The following MAGI2 variants were observed in gnomAD, a reference collection of about 807,000 sequenced individuals.
MAGI2 encodes membrane associated guanylate kinase, WW and PDZ domain containing 2, also known as membrane-associated guanylate kinase, WW and PDZ domain-containing protein 2.
In MAGI2, 35 loss-of-function variants were observed where a neutral mutation model predicts 133.3. That is an observed-to-expected ratio of 0.26 (90% CI 0.20 to 0.35). The LOEUF is 0.35. MAGI2 is among the 10% of genes least tolerant of loss of function. The pLI is 1.00. For missense variants in MAGI2, 1,636 were observed against 1,863.4 expected, an observed-to-expected ratio of 0.88 and a Z score of 2.25; for synonymous variants, 729 against 710.6, an observed-to-expected ratio of 1.03 and a Z score of -0.41.
At chr7:78,528,326 T>C (rs1213030253) in intron 3 of MAGI2, among the ~76,000 whole-genome samples, 1 of 152,186 alleles carries the variant, frequency 6.6e-6, no homozygotes, top group Non-Finnish European at 1.5e-5. Flanking sequence ...TGCCAGATTG[T>C]AAGTAAACAA....
intron 2 of MAGI2, among the ~76,000 whole-genome samples, chr7:78,876,340 A>AAAAAAG (rs1795421389): frequency 6.6e-6 from 1 of 151,388 alleles, no homozygotes; most frequent in Non-Finnish European, 1.5e-5. Flanking sequence ...AAAAAAAAAA[A>AAAAAAG]AATTGGAACA....
At chr7:78,242,776 G>T (rs1328178511) in intron 10 of MAGI2, among the ~76,000 whole-genome samples, 1 of 151,960 alleles carries the variant, frequency 6.6e-6, no homozygotes, top group Admixed American at 6.6e-5. Flanking sequence ...TTTTTAAATT[G>T]TAAGTGATTC....
At chr7:78,243,267 A>T (rs1034045363) in intron 10 of MAGI2, among the ~76,000 whole-genome samples, 13 of 68,292 alleles carry the variant, frequency 1.9e-4, no homozygotes, top group East Asian at 6.6e-4. Flanking sequence ...ACACACACAC[A>T]CACTCTCTCT....
At chr7:79,358,880 A>C (rs923925178) in intron 1 of MAGI2, among the ~76,000 whole-genome samples, 2 of 152,186 alleles carry the variant, frequency 1.3e-5, no homozygotes, top group African/African-American at 2.4e-5. Flanking sequence ...GGCAAGACCT[A>C]AGCAGGCTGA....
At position 79,181,550 on chromosome 7, in the gene MAGI2, A is replaced by G. The variant is rs370300349; in HGVS notation, c.302-174344T>C. Among the ~76,000 whole-genome samples the G allele has an allele frequency of 1.3e-4, 19 of 151,044 alleles. 1 individual carries two copies. The highest frequency in any genetic ancestry group is 4.6e-4 in the African/African-American group (19 of 40,976). ...CCACAAAACTATTTTTTCCCCCTAA[A>G]CCTCCGGGCCTGTGATGGGAGGGGC... On this transcript the variant is annotated intron_variant, in intron 1 of 21. Coordinates refer to ENST00000354212, the MANE Select transcript of MAGI2 (RefSeq NM_012301.4).
intron 10 of MAGI2, among the ~76,000 whole-genome samples, chr7:78,245,011 T>C (rs1236904379): frequency 1.3e-5 from 2 of 152,216 alleles, no homozygotes; most frequent in Non-Finnish European, 2.9e-5. Flanking sequence ...GAAATTTCCA[T>C]AATCCTCACT....
chr7:78,653,775 TA>T (rs3085457), intron 2 of MAGI2, among the ~76,000 whole-genome samples: 87,777 of 142,690 alleles, frequency 0.62, 27,410 homozygotes, highest in African/African-American at 0.75. Flanking sequence ...TGAAGTATGA[TA>T]AAAAAAAAAA....
At chr7:78,717,598 ATAG>A (rs1039178246) in intron 2 of MAGI2, among the ~76,000 whole-genome samples, 2 of 152,182 alleles carry the variant, frequency 1.3e-5, no homozygotes, top group African/African-American at 4.8e-5. Context: ...TAAAATACAG[ATAG>A]TAGTATCTAC....
chr7:78,652,548 G>T lies in MAGI2; in HGVS notation c.419-25309C>A, dbSNP rs148257681. On this transcript the variant is annotated intron_variant, in intron 2 of 21. Coordinates refer to ENST00000354212, the MANE Select transcript of MAGI2 (RefSeq NM_012301.4). ...AAGGGTTTCCTATTTAATAAATGGT[G>T]TAGGGAAAACTAGCTAGCCATATGC... 2.0e-3 allele frequency among the ~76,000 whole-genome samples: 311 copies of T among 152,262 alleles called. 1 individual carries two copies. The highest frequency in any genetic ancestry group is 6.9e-3 in the African/African-American group (288 of 41,560).
chr7:78,719,801 A>C (rs1820088563), intron 2 of MAGI2, among the ~76,000 whole-genome samples: 1 of 152,166 alleles, frequency 6.6e-6, no homozygotes. Context: ...CTGTGGACAG[A>C]ATTTAATTTG....
intron 1 of MAGI2, among the ~76,000 whole-genome samples, chr7:79,310,840 G>A (rs972016613): frequency 1.1e-4 from 16 of 152,014 alleles, no homozygotes; most frequent in Admixed American, 1.0e-3. Flanking sequence ...GAAGATTCCA[G>A]AAATTCTTGC....
intron 2 of MAGI2, among the ~76,000 whole-genome samples, chr7:78,932,273 T>A (rs1800191025): frequency 6.6e-6 from 1 of 152,016 alleles, no homozygotes; most frequent in Non-Finnish European, 1.5e-5. Flanking sequence ...TTGTTGATAA[T>A]GTCAAAAAGG....
intron 3 of MAGI2, among the ~76,000 whole-genome samples, chr7:78,602,900 T>A (rs1236051228): frequency 6.6e-6 from 1 of 152,248 alleles, no homozygotes; most frequent in Admixed American, 6.5e-5. Context: ...TATTCATTCT[T>A]TGATTTCAGC....
chr7:78,206,359 T>C (rs577094685), intron 10 of MAGI2, among the ~76,000 whole-genome samples: 82 of 151,122 alleles, frequency 5.4e-4, no homozygotes, highest in African/African-American at 2.0e-3. Context: ...TGGCGTGATC[T>C]TGGCTCACTG....
chr7:78,262,603 T>C (rs1193135018), intron 9 of MAGI2, among the ~76,000 whole-genome samples: 1 of 152,174 alleles, frequency 6.6e-6, no homozygotes, highest in African/African-American at 2.4e-5. Context: ...TTAGGCCAGG[T>C]ATGCCAATAA....
intron 1 of MAGI2, among the ~76,000 whole-genome samples, chr7:79,396,897 C>T (rs1845098863): frequency 6.6e-6 from 1 of 151,784 alleles, no homozygotes; most frequent in South Asian, 2.1e-4. Flanking sequence ...TAAGTGAACA[C>T]CTTGACGGTT....
intron 1 of MAGI2, among the ~76,000 whole-genome samples, chr7:79,311,942 T>G (rs929560816): frequency 4.6e-5 from 7 of 152,158 alleles, no homozygotes; most frequent in Non-Finnish European, 7.4e-5. Context: ...TTTTTAAAAT[T>G]TGTATATCCA....
In MAGI2 at chr7:78,769,828, A is replaced by G. The variant is rs114149017; in HGVS notation, c.419-142589T>C. Among the ~76,000 whole-genome samples the G allele has an allele frequency of 7.9e-3, 1,202 of 152,288 alleles. 7 individuals are homozygous for G. Among genetic ancestry groups the G allele is most frequent in the African/African-American group, 0.027 (1,136 of 41,548 alleles). On this transcript the variant is annotated intron_variant, in intron 2 of 21. Transcript: ENST00000354212. The stretch of plus-strand genomic sequence containing the variant: ...CCTCAGCTCCGAGCATCTTCTTGTT[A>G]TAGTCTGTGGCAACTGCATGGCACC...
intron 2 of MAGI2, among the ~76,000 whole-genome samples, chr7:78,693,845 C>G (rs12538564): frequency 6.6e-6 from 1 of 152,132 alleles, no homozygotes; most frequent in Admixed American, 6.5e-5. Context: ...GCTGCCCACA[C>G]CCACCGCTGG....
Sources: allele counts gnomAD v4.1 joint callset (sites outside exome capture counted in the v4.1 genomes callset), GRCh38; gene constraint gnomAD v4.1.1; transcripts MANE v1.5; gene names NCBI Gene and HGNC (gene_info 2026-07-23, HGNC 2026-07-21).